PCDHGA1: variants seen among roughly 807,000 people sequenced by gnomAD.
PCDHGA1 encodes the protein protocadherin gamma subfamily A, 1.
A neutral mutation model predicts 58.0 loss-of-function variants in PCDHGA1; 32 were observed. The observed-to-expected ratio is 0.55, with a 90% CI of 0.42 to 0.74. The LOEUF is 0.74. Ranked by LOEUF, PCDHGA1 falls within the 30% of genes least tolerant of loss-of-function variation. PCDHGA1 has a pLI of 0.00. For missense variants in PCDHGA1, 1,205 were observed against 1,182.3 expected, an observed-to-expected ratio of 1.02 and a Z score of -0.28; for synonymous variants, 498 against 501.1, an observed-to-expected ratio of 0.99 and a Z score of 0.08.
Position 141,432,427 on chromosome 5 carries a change from C to T in PCDHGA1, c.2422-62380C>T, listed in dbSNP as rs775150918. 2.2e-5 allele frequency: 36 copies of T among 1,614,124 alleles called. No homozygotes were observed. The highest frequency in any genetic ancestry group is 3.1e-5 in the Non-Finnish European group (36 of 1,180,044). ...TGAGCCTGTTCGTGCTGGACCAGAA[C>T]GACAATGCGCCCGAGATCCTGTACC... On this transcript the variant is annotated intron_variant, in intron 1 of 3. Transcript: ENST00000517417. This position sits in a 1 kb window ranked among gnomAD's most constrained non-coding sequence, Gnocchi z 6.0.
chr5:141,410,184 A>AT, intron 1 of PCDHGA1: 1 of 1,613,918 alleles, frequency 6.2e-7, no homozygotes, highest in Non-Finnish European at 8.5e-7. Context: ...GCCACGCTTC[A>AT]TCTGGTCTTC....
chr5:141,498,807 C>G (rs113587634), intron 2 of PCDHGA1, among the ~76,000 whole-genome samples: 1 of 152,030 alleles, frequency 6.6e-6, no homozygotes, highest in Non-Finnish European at 1.5e-5. Flanking sequence ...GTGGTGCACA[C>G]CTGTAGTCCC....
chr5:141,337,834 T>C (rs992042315), intron 1 of PCDHGA1, among the ~76,000 whole-genome samples: 1 of 152,178 alleles, frequency 6.6e-6, no homozygotes, highest in African/African-American at 2.4e-5. Flanking sequence ...CCTTGGAAAA[T>C]GAATATCAGA....
At chr5:141,352,280 C>T in intron 1 of PCDHGA1, 3 of 1,614,072 alleles carry the variant, frequency 1.9e-6, no homozygotes, top group Non-Finnish European at 2.5e-6. Flanking sequence ...CCTCAGCGAC[C>T]GCCCTGAGCC....
rs373798096 is a variant in PCDHGA1, at chr5:141,332,552, C to T, written c.1868C>T (p.Thr623Met). The T allele has an allele frequency of 1.2e-6, 2 of 1,612,470 alleles. No homozygotes were observed. Among genetic ancestry groups the T allele is most frequent in the Non-Finnish European group, 1.7e-6 (2 of 1,179,820 alleles). ...GGACTCTTCTCGGTGGGTCTGCACA[C>T]GGGCGAGGTGCGCACGGCGCGAGCC... ...EPGLFSVGLHTGEVRTARALL... is the reference protein window; with the variant it reads ...EPGLFSVGLHMGEVRTARALL... Residue 623 changes from threonine (T) to methionine (M), a missense_variant, in exon 1 of 4, where the codon ACG becomes ATG. Coordinates refer to ENST00000517417, the MANE Select transcript of PCDHGA1 (RefSeq NM_018912.3). The surrounding 1 kb of genome is among the most constrained non-coding windows in gnomAD (Gnocchi z 4.6).
At chr5:141,466,022 T>C (rs1053231186) in intron 1 of PCDHGA1, among the ~76,000 whole-genome samples, 4 of 151,628 alleles carry the variant, frequency 2.6e-5, no homozygotes, top group African/African-American at 9.7e-5. Flanking sequence ...CTCGGGAGGG[T>C]GAGGCAGGAG....
Position 141,332,892 on chromosome 5 carries a change from C to G in PCDHGA1, c.2208C>G (p.Pro736=), listed in dbSNP as rs748975283. ...CGGGAGGCGGCTTAGCGAGCATGCC[C>G]GGTTCGCACTTTGTGGGCGTGGACG... ...QASGGGLASM[P]GSHFVGVDGV... The change falls in exon 1 of 4, where the codon CCC becomes CCG. Residue 736 remains proline, a synonymous_variant. Coordinates refer to ENST00000517417, the MANE Select transcript of PCDHGA1 (RefSeq NM_018912.3). The surrounding 1 kb of genome is among the most constrained non-coding windows in gnomAD (Gnocchi z 4.6). 1.1e-5 allele frequency: 18 copies of G among 1,614,092 alleles called. No individual in the cohort carries two copies. The highest frequency in any genetic ancestry group is 2.2e-5 in the East Asian group (1 of 44,892).
chr5:141,361,065 G>C (rs1438252937), intron 1 of PCDHGA1: 1 of 1,613,774 alleles, frequency 6.2e-7, no homozygotes, highest in East Asian at 2.2e-5. Context: ...TGGATTTTGA[G>C]ATTGCAAGTA....
intron 1 of PCDHGA1, chr5:141,338,798 G>A: frequency 1.5e-6 from 2 of 1,361,880 alleles, no homozygotes; most frequent in Non-Finnish European, 1.9e-6. Context: ...AGGGGGTGGA[G>A]GTTTGGCCCT....
intron 1 of PCDHGA1, chr5:141,362,659 C>A: frequency 7.4e-7 from 1 of 1,352,228 alleles, no homozygotes; most frequent in Non-Finnish European, 9.9e-7. Flanking sequence ...TAGATTTGGC[C>A]AATGTTGTGC....
Position 141,394,937 on chromosome 5 carries a change from C to T in PCDHGA1, c.2421+61832C>T, listed in dbSNP as rs1224179687. 4.3e-6 allele frequency: 7 copies of T among 1,613,688 alleles called. No individual in the cohort carries two copies. In the East Asian group the frequency reaches 8.9e-5, roughly 21 times the overall value. ...TCTCCTGTGTCTTCCTCGCCTTTGT[C>T]GCTGTGCTTCTGGGGCTCAGGCTGA... On this transcript the variant is annotated intron_variant, in intron 1 of 3. Transcript: ENST00000517417.
intron 1 of PCDHGA1, chr5:141,366,052 C>T: frequency 6.2e-7 from 1 of 1,614,248 alleles, no homozygotes; most frequent in Non-Finnish European, 8.5e-7. Context: ...GTTCCACGGG[C>T]GTGGAGCTGG....
rs116679801 is a variant in PCDHGA1 at position 141,332,387 on chromosome 5, C to G, written c.1703C>G (p.Pro568Arg). ...CCCGAGATCCTGTACCCCGCCCTCCCCACAGATGGTTCTACCGGCGTGGAG... is the reference window on the plus strand; with the variant it reads ...CCCGAGATCCTGTACCCCGCCCTCCGCACAGATGGTTCTACCGGCGTGGAG... Reference protein sequence around the residue: ...NAPEILYPALPTDGSTGVELA... With the variant: ...NAPEILYPALRTDGSTGVELA... The change falls in exon 1 of 4, where the codon CCC becomes CGC. Residue 568 changes from proline (P) to arginine (R), a missense_variant. By Grantham distance (103) the Pro-to-Arg change is moderately radical. Transcript: ENST00000517417. The surrounding 1 kb of genome is among the most constrained non-coding windows in gnomAD (Gnocchi z 4.6). 2.6e-3 allele frequency: 4,137 copies of G among 1,614,220 alleles called. 112 individuals carry two copies. The African/African-American group carries it at 0.048, about 19-fold the overall frequency.
chr5:141,360,540 G>T, intron 1 of PCDHGA1: 1 of 1,613,928 alleles, frequency 6.2e-7, no homozygotes, highest in Non-Finnish European at 8.5e-7. Context: ...TATTCAAACA[G>T]ACTAAGATTA....
intron 1 of PCDHGA1, chr5:141,391,637 G>T (rs2092401462): frequency 1.3e-5 from 2 of 152,192 alleles, no homozygotes; most frequent in Admixed American, 6.5e-5. Flanking sequence ...TTTAGTCAGT[G>T]AAAAAACTAT....
chr5:141,333,171 G>T (rs1195108473), intron 1 of PCDHGA1, 66 bp downstream of exon 1: 3 of 1,606,368 alleles, frequency 1.9e-6, no homozygotes, highest in East Asian at 4.5e-5. Flanking sequence ...ACTTACTAGC[G>T]TTCGCTCTTT....
At chr5:141,340,864 C>G (rs776467604) in intron 1 of PCDHGA1, 5 of 1,613,566 alleles carry the variant, frequency 3.1e-6, no homozygotes, top group Non-Finnish European at 4.2e-6. Flanking sequence ...CGGCGCGAGC[C>G]CTGCTGGACA....
intron 1 of PCDHGA1, chr5:141,433,126 G>A (rs1390613447): frequency 1.9e-6 from 3 of 1,614,120 alleles, no homozygotes; most frequent in Middle Eastern, 1.7e-4. Flanking sequence ...AAAAAAGCGA[G>A]CCCCTTTTGC....
chr5:141,365,149 A>G, intron 1 of PCDHGA1: 1 of 1,613,978 alleles, frequency 6.2e-7, no homozygotes, highest in South Asian at 1.1e-5. Context: ...ATGAGGGAAT[A>G]AACGGGAAAT....
Sources: allele counts gnomAD v4.1 joint callset (sites outside exome capture counted in the v4.1 genomes callset), GRCh38; gene constraint gnomAD v4.1.1; non-coding constraint Gnocchi (gnomAD v3.1); transcripts MANE v1.5; gene names NCBI Gene and HGNC (gene_info 2026-07-23, HGNC 2026-07-21).